Variants in DMXL1 observed in about 807,000 individuals in gnomAD.
DMXL1 encodes Dmx like 1.
A neutral mutation model predicts 319.2 loss-of-function variants in DMXL1; 99 were observed. That is an observed-to-expected ratio of 0.31 (90% CI 0.26 to 0.37). The LOEUF (loss-of-function observed/expected upper bound fraction) is 0.37, where lower values mean the gene tolerates loss of function less well. Ranked by LOEUF, DMXL1 falls within the 10% of genes least tolerant of loss-of-function variation. DMXL1 has a pLI of 1.00. For missense variants in DMXL1, 3,745 were observed against 3,595.6 expected (o/e 1.04, Z -1.06); for synonymous variants, 1,385 against 1,235.2 (o/e 1.12, Z -2.54).
intron 34 of DMXL1, among the ~76,000 whole-genome samples, chr5:119,211,077 T>A (rs1020816210): frequency 5.3e-5 from 8 of 151,872 alleles, no homozygotes; most frequent in Non-Finnish European, 1.0e-4. Context: ...GTTAAGGATT[T>A]TTTTAAAAAA....
chr5:119,086,955 T>TC (rs1753511586), intron 1 of DMXL1, among the ~76,000 whole-genome samples: 1 of 152,152 alleles, frequency 6.6e-6, no homozygotes, highest in Non-Finnish European at 1.5e-5. Context: ...CAGGAATTTA[T>TC]CCACTCACTT....
chr5:119,119,952 C>T (rs1761682777), intron 8 of DMXL1, among the ~76,000 whole-genome samples: 1 of 151,886 alleles, frequency 6.6e-6, no homozygotes, highest in African/African-American at 2.4e-5. Context: ...GCGATACCAG[C>T]TCACTGCAAC....
intron 4 of DMXL1, 38 bp from the exon 5 acceptor site, chr5:119,110,113 A>T (rs201249787): frequency 2.6e-6 from 4 of 1,537,210 alleles, no homozygotes; most frequent in Non-Finnish European, 3.5e-6. Context: ...TCACTATTAA[A>T]TACCTAAATA....
chr5:119,223,079 TG>T (rs1371290090), intron 37 of DMXL1, among the ~76,000 whole-genome samples: 4 of 137,206 alleles, frequency 2.9e-5, no homozygotes, highest in Admixed American at 7.8e-5. Flanking sequence ...TTTTTTGAGA[TG>T]GAGTCTCGCT....
intron 28 of DMXL1, among the ~76,000 whole-genome samples, chr5:119,189,122 G>A (rs1210494177): frequency 1.3e-5 from 2 of 152,070 alleles, no homozygotes; most frequent in East Asian, 3.9e-4. Flanking sequence ...TAATTATAGA[G>A]TGTTCACAAA....
At chr5:119,128,387 C>G (rs1336831649) in intron 9 of DMXL1, 2 of 235,034 alleles carry the variant, frequency 8.5e-6, no homozygotes, top group Non-Finnish European at 1.7e-5. Flanking sequence ...TTCCGTTGAG[C>G]TACCATGCTG....
At chr5:119,072,099 A>ACCAATTGTTTG (rs1418573353) in intron 1 of DMXL1, among the ~76,000 whole-genome samples, 1 of 152,164 alleles carries the variant, frequency 6.6e-6, no homozygotes, top group Admixed American at 6.5e-5. Context: ...CAAAACAATT[A>ACCAATTGTTTG]CCAATTGTTT....
intron 1 of DMXL1, among the ~76,000 whole-genome samples, chr5:119,076,999 C>G (rs543610755): frequency 5.8e-4 from 88 of 152,186 alleles, no homozygotes; most frequent in African/African-American, 2.1e-3. Flanking sequence ...GATTACAGAT[C>G]TTTTATTATT....
chr5:119,198,591 C>G (rs1056734850), intron 32 of DMXL1, among the ~76,000 whole-genome samples: 1 of 152,126 alleles, frequency 6.6e-6, no homozygotes, highest in African/African-American at 2.4e-5. Flanking sequence ...CAATTCCTGT[C>G]AAATTACCAA....
chr5:119,072,067 T>G (rs1749726689), intron 1 of DMXL1, among the ~76,000 whole-genome samples: 1 of 152,164 alleles, frequency 6.6e-6, no homozygotes, highest in African/African-American at 2.4e-5. Context: ...CAAGTATCTT[T>G]GTAGTTAAAA....
chr5:119,205,429 TA>T (rs1273483462), intron 33 of DMXL1, among the ~76,000 whole-genome samples: 1 of 152,154 alleles, frequency 6.6e-6, no homozygotes. Context: ...AAGAAAATTT[TA>T]AAATTATTTT....
Position 119,233,427 on chromosome 5 carries a change from C to G in DMXL1, c.8426C>G (p.Ser2809Ter), listed in dbSNP as rs752479101. ...QITCFRSGGN[S>*]RVTRMRFNYQ... ...ACCTGTTTTCGATCTGGTGGCAATT[C>G]AAGAGTTACAAGAATGAGATTTAAC... The change falls in exon 39 of 44, where the codon TCA becomes TGA. Residue 2809 changes from serine (S) to a stop codon, truncating the protein, a stop_gained. Coordinates refer to ENST00000539542, the MANE Select transcript of DMXL1 (RefSeq NM_001290321.3). LOFTEE classifies it high-confidence loss of function. 1 of 1,611,526 alleles carries G rather than the reference C, an allele frequency of 6.2e-7. No individual in the cohort carries two copies. The highest frequency in any genetic ancestry group is 8.5e-7 in the Non-Finnish European group (1 of 1,178,196).
chr5:119,147,655 C>A, intron 17 of DMXL1, 185 bp downstream of exon 17: 1 of 493,016 alleles, frequency 2.0e-6, no homozygotes, highest in Non-Finnish European at 3.6e-6. Flanking sequence ...TGACATTTAT[C>A]AGCCAGTTCT....
intron 38 of DMXL1, among the ~76,000 whole-genome samples, chr5:119,232,364 A>G (rs1786914228): frequency 6.6e-6 from 1 of 152,180 alleles, no homozygotes; most frequent in Non-Finnish European, 1.5e-5. Flanking sequence ...TTTGATAAGG[A>G]ATGAGGGAAA....
intron 9 of DMXL1, among the ~76,000 whole-genome samples, chr5:119,126,439 C>T (rs1041606864): frequency 1.3e-5 from 2 of 152,180 alleles, no homozygotes; most frequent in African/African-American, 2.4e-5. Flanking sequence ...ATCCTCTCAA[C>T]AGTCATACCA....
At chr5:119,123,577 A>C (rs933925099) in intron 9 of DMXL1, among the ~76,000 whole-genome samples, 4 of 152,178 alleles carry the variant, frequency 2.6e-5, no homozygotes, top group African/African-American at 9.7e-5. Flanking sequence ...AAGGCATTGA[A>C]GTTCATTATT....
chr5:119,230,983 T>G (rs1371332768), intron 38 of DMXL1, among the ~76,000 whole-genome samples: 1 of 152,224 alleles, frequency 6.6e-6, no homozygotes, highest in Non-Finnish European at 1.5e-5. Flanking sequence ...TTTACTATTA[T>G]TTGTTGAAGA....
chr5:119,105,620 G>A (rs1193519314), intron 4 of DMXL1, among the ~76,000 whole-genome samples: 2 of 152,174 alleles, frequency 1.3e-5, no homozygotes, highest in African/African-American at 2.4e-5. Context: ...TATATGCCAG[G>A]CGTGGTGGCT....
rs1452357868 is a variant in DMXL1, at chr5:119,238,982, A to C, written c.8560-7A>C. On this transcript the variant is annotated splice_polypyrimidine_tract_variant and splice_region_variant and intron_variant, in intron 40 of 43. Coordinates refer to ENST00000539542, the MANE Select transcript of DMXL1 (RefSeq NM_001290321.3). ...GGAGTAACACGTATTGTTTGTAACCATTCCAGACTTGGCAGTGTCATAACA... is the reference window on the plus strand; with the variant it reads ...GGAGTAACACGTATTGTTTGTAACCCTTCCAGACTTGGCAGTGTCATAACA... The C allele has an allele frequency of 1.2e-6, 2 of 1,613,630 alleles. No homozygotes were observed. The highest frequency in any genetic ancestry group is 1.7e-6 in the Non-Finnish European group (2 of 1,179,830).
Sources: allele counts gnomAD v4.1 joint callset (sites outside exome capture counted in the v4.1 genomes callset), GRCh38; gene constraint gnomAD v4.1.1; transcripts MANE v1.5; gene names NCBI Gene and HGNC (gene_info 2026-07-23, HGNC 2026-07-21).